Variants in TCF3 observed in about 807,000 individuals in gnomAD.
TCF3 encodes the protein transcription factor E2-alpha.
Under a neutral mutation model 72.3 loss-of-function variants are expected in TCF3, and 54 were observed. The ratio of observed to expected loss-of-function variants is 0.75; its 90% confidence interval spans 0.60 to 0.94. TCF3 has a LOEUF of 0.94. Among genes scored for constraint, TCF3 ranks in the 40% least tolerant of loss-of-function variants. The pLI, the probability that TCF3 is intolerant of heterozygous loss-of-function variation, is 0.00. For missense variants in TCF3, 1,078 were observed against 934.4 expected, an observed-to-expected ratio of 1.15 and a Z score of -2.00; for synonymous variants, 525 against 412.6, an observed-to-expected ratio of 1.27 and a Z score of -3.30.
intron 5 of TCF3, among the ~76,000 whole-genome samples, chr19:1,629,938 G>A (rs554480185): frequency 3.9e-5 from 6 of 152,248 alleles, no homozygotes; most frequent in South Asian, 2.1e-4. Context: ...GGCCACACCC[G>A]GCCACAGCAG....
intron 3 of TCF3, among the ~76,000 whole-genome samples, chr19:1,637,573 T>C (rs2064614468): frequency 6.6e-6 from 1 of 151,902 alleles, no homozygotes; most frequent in Admixed American, 6.6e-5. Flanking sequence ...CAGTGACACC[T>C]GAGTGTGGGG....
At chr19:1,632,793 C>G (rs982897575) in intron 3 of TCF3, among the ~76,000 whole-genome samples, 1 of 152,170 alleles carries the variant, frequency 6.6e-6, no homozygotes, top group Non-Finnish European at 1.5e-5. Context: ...GTCTCTGTGT[C>G]AGATGCAGAC....
At chr19:1,627,492 C>T in intron 5 of TCF3, 66 bp from the exon 6 acceptor site, 1 of 1,467,314 alleles carries the variant, frequency 6.8e-7, no homozygotes, top group East Asian at 2.3e-5. Flanking sequence ...CCCCCGAGTG[C>T]CTGCCATGTG....
intron 7 of TCF3, among the ~76,000 whole-genome samples, chr19:1,625,357 C>T (rs1423051134): frequency 7.2e-5 from 11 of 152,246 alleles, no homozygotes; most frequent in Admixed American, 4.6e-4. Flanking sequence ...ACCAGAGGCT[C>T]GTAGGAACCT....
intron 1 of TCF3, chr19:1,650,920 C>T: frequency 4.3e-6 from 1 of 230,538 alleles, no homozygotes; most frequent in Non-Finnish European, 8.6e-6. Context: ...TTCCTCCACC[C>T]TCAATCTCCC....
intron 3 of TCF3, among the ~76,000 whole-genome samples, chr19:1,644,969 CG>C (rs774829184): frequency 1.3e-5 from 2 of 152,080 alleles, no homozygotes; most frequent in Non-Finnish European, 2.9e-5. Context: ...GGGCTGTTTC[CG>C]GGGGGCTGGC....
intron 2 of TCF3, among the ~76,000 whole-genome samples, chr19:1,648,328 G>A (rs1000776156): frequency 3.3e-5 from 5 of 152,330 alleles, no homozygotes; most frequent in African/African-American, 1.2e-4. Flanking sequence ...CAGGGAGGTG[G>A]AACTCCACCT....
chr19:1,637,662 C>A (rs1478723762), intron 3 of TCF3, among the ~76,000 whole-genome samples: 2 of 152,204 alleles, frequency 1.3e-5, no homozygotes, highest in African/African-American at 4.8e-5. Context: ...GTAATCCCAG[C>A]ACTTTGGGAG....
intron 2 of TCF3, 108 bp downstream of exon 2, chr19:1,650,069 G>C: frequency 8.7e-7 from 1 of 1,152,422 alleles, no homozygotes; most frequent in Non-Finnish European, 1.2e-6. Context: ...CATCCAAACA[G>C]CTGAGGCTCC....
chr19:1,615,739 A>C lies in TCF3; in HGVS notation c.1533T>G (p.Ala511=). Residue 511 remains alanine (A), a synonymous_variant, in exon 17 of 19, where the codon GCT becomes GCG. Coordinates refer to ENST00000262965, the MANE Select transcript of TCF3 (RefSeq NM_003200.5). The surrounding 1 kb of genome is among the most constrained non-coding windows in gnomAD (Gnocchi z 7.3). ...CCTTCTTCTCCTCCTCCGAGTGGTCAGCCGCTGACGTGTTCTCCTCGTCCT... is the reference window on the plus strand; with the variant it reads ...CCTTCTTCTCCTCCTCCGAGTGGTCCGCCGCTGACGTGTTCTCCTCGTCCT... The part of the protein sequence containing the change: ...EKEDEENTSA[A]DHSEEEKKEL... 1 of 1,612,580 alleles carries C rather than the reference A, an allele frequency of 6.2e-7. No individual in the cohort carries two copies.
chr19:1,647,093 T>C (rs1268638084), intron 2 of TCF3, among the ~76,000 whole-genome samples: 1 of 152,150 alleles, frequency 6.6e-6, no homozygotes, highest in Non-Finnish European at 1.5e-5. Context: ...CTGGAGGGGC[T>C]GGGGAGAGGC....
In TCF3 at chr19:1,625,680, A is replaced by G; in HGVS notation, c.395T>C (p.Leu132Pro). ...QAGFLSGELA[L>P]NSPGPLSPSG... The stretch of plus-strand genomic sequence containing the variant: ...AGGGGACAGGGGCCCGGGGCTGTTG[A>G]GGGCCAGCTCGCCTGACAGGAAGCC... The change falls in exon 7 of 19, where the codon CTC becomes CCC. Residue 132 changes from leucine to proline, a missense_variant. Physicochemically the swap from Leu to Pro is moderately conservative, Grantham distance 98 (BLOSUM62 -3). Transcript: ENST00000262965. 2 of 1,522,030 alleles carry G rather than the reference A, an allele frequency of 1.3e-6. No individual in the cohort carries two copies. The highest frequency in any genetic ancestry group is 1.8e-6 in the Non-Finnish European group (2 of 1,141,640). 94.3% of individuals were successfully genotyped at this position (1,522,030 alleles called of 1,614,324 possible).
chr19:1,621,175 T>G lies in TCF3; in HGVS notation c.972A>C (p.Thr324=), dbSNP rs2062156326. The stretch of plus-strand genomic sequence containing the variant: ...CGAGGGCATCCCCGGAGCTGCCAGC[T>G]GTGGTCCCTCGGGAGCCTGTGGGTG... ...ADSLLGSRGT[T]AGSSGDALGK... is the part of the protein sequence containing the mutation. Residue 324 remains threonine (T), a synonymous_variant, in exon 12 of 19, where the codon ACA becomes ACC. Coordinates refer to ENST00000262965, the MANE Select transcript of TCF3 (RefSeq NM_003200.5). The G allele has an allele frequency of 6.5e-7, 1 of 1,537,668 alleles. No individual in the cohort carries two copies. The highest frequency in any genetic ancestry group is 1.4e-5 in the African/African-American group (1 of 73,036).
chr19:1,638,590 G>A (rs910332056), intron 3 of TCF3, among the ~76,000 whole-genome samples: 6 of 152,206 alleles, frequency 3.9e-5, no homozygotes, highest in African/African-American at 1.2e-4. Flanking sequence ...GCAGGGAAGA[G>A]AAATATACAG....
intron 13 of TCF3, 73 bp from the exon 14 acceptor site, chr19:1,619,926 G>A: frequency 4.6e-6 from 6 of 1,315,092 alleles, no homozygotes; most frequent in Non-Finnish European, 6.4e-6. Context: ...CATGGGGAGG[G>A]ATTCATGAAC....
chr19:1,611,829 C>A lies in TCF3; in HGVS notation c.1843G>T (p.Ala615Ser). Reference sequence around the variant, plus strand: ...TCTTCTCGCCGTTTCAAACAGGCTGCTTTGGGATTCAGGTTCCGCTCTGGA... The same window carrying A: ...TCTTCTCGCCGTTTCAAACAGGCTGATTTGGGATTCAGGTTCCGCTCTGGA... Reference protein sequence around the residue: ...QVRERNLNPKAACLKRREEEK... With the variant: ...QVRERNLNPKSACLKRREEEK... Residue 615 changes from alanine (A) to serine (S), a missense_variant, in exon 19 of 19, where the codon GCA becomes TCA. Transcript: ENST00000262965. The A allele has an allele frequency of 1.9e-6, 3 of 1,612,018 alleles. No homozygotes were observed. The highest frequency in any genetic ancestry group is 1.7e-6 in the Non-Finnish European group (2 of 1,179,624).
chr19:1,642,260 A>G (rs966569001), intron 3 of TCF3, among the ~76,000 whole-genome samples: 8 of 151,748 alleles, frequency 5.3e-5, no homozygotes, highest in South Asian at 4.2e-4. Context: ...ACACGTGCGC[A>G]CACACGCACG....
intron 3 of TCF3, among the ~76,000 whole-genome samples, chr19:1,637,863 C>T (rs1314158212): frequency 4.0e-5 from 6 of 151,772 alleles, no homozygotes; most frequent in Admixed American, 1.3e-4. Context: ...GAGCCGAGAT[C>T]GTGCCACTGC....
Position 1,615,738 on chromosome 19 carries a change from C to G in TCF3, c.1534G>C (p.Asp512His), listed in dbSNP as rs555856598. 4.3e-6 allele frequency: 7 copies of G among 1,612,632 alleles called. No individual in the cohort carries two copies. Among genetic ancestry groups the G allele is most frequent in the South Asian group, 3.3e-5 (3 of 90,912 alleles). Residue 512 changes from aspartate (D) to histidine (H), a missense_variant, in exon 17 of 19, where the codon GAC becomes CAC. Coordinates refer to ENST00000262965, the MANE Select transcript of TCF3 (RefSeq NM_003200.5). The surrounding 1 kb of genome is among the most constrained non-coding windows in gnomAD (Gnocchi z 7.3). ...KEDEENTSAA[D>H]HSEEEKKELK... ...TCCTTCTTCTCCTCCTCCGAGTGGT[C>G]AGCCGCTGACGTGTTCTCCTCGTCC... is the stretch of plus-strand genomic sequence containing the variant.
Sources: allele counts gnomAD v4.1 joint callset (sites outside exome capture counted in the v4.1 genomes callset), GRCh38; gene constraint gnomAD v4.1.1; non-coding constraint Gnocchi (gnomAD v3.1); transcripts MANE v1.5; gene names NCBI Gene and HGNC (gene_info 2026-07-23, HGNC 2026-07-21).